Variants in ADAMTSL1 observed in about 807,000 individuals in gnomAD.
The protein encoded by ADAMTSL1 is ADAMTS like 1, also known as ADAMTS-like protein 1.
In ADAMTSL1, 126 loss-of-function variants were observed where a neutral mutation model predicts 201.8. The observed-to-expected ratio is 0.62, with a 90% confidence interval of 0.54 to 0.72. The LOEUF (loss-of-function observed/expected upper bound fraction) is 0.72, where lower values mean the gene tolerates loss of function less well. ADAMTSL1 is among the 30% of genes least tolerant of loss of function. The pLI is 0.00. For missense variants in ADAMTSL1, 2,679 were observed against 2,277.8 expected (o/e 1.18, Z -3.59); for synonymous variants, 1,121 against 903.4 (o/e 1.24, Z -4.32).
chr9:18,203,925 A>T (rs936748995), intron 2 of ADAMTSL1, among the ~76,000 whole-genome samples: 6 of 152,156 alleles, frequency 3.9e-5, no homozygotes, highest in African/African-American at 1.4e-4. Flanking sequence ...TGTGTTCTCC[A>T]TGATTGTCAC....
intron 15 of ADAMTSL1, 109 bp from the exon 16 acceptor site, chr9:18,753,189 G>A: frequency 9.4e-7 from 1 of 1,058,398 alleles, no homozygotes; most frequent in South Asian, 1.4e-5. Flanking sequence ...TCTTGGGCTG[G>A]CACTTCCCAC....
intron 1 of ADAMTSL1, among the ~76,000 whole-genome samples, chr9:17,966,474 A>G (rs977304119): frequency 1.3e-5 from 2 of 152,162 alleles, no homozygotes; most frequent in African/African-American, 4.8e-5. Context: ...CCCTTCTGCA[A>G]TAAGTACCAC....
intron 1 of ADAMTSL1, among the ~76,000 whole-genome samples, chr9:17,924,147 G>C (rs1437674403): frequency 6.6e-6 from 1 of 150,724 alleles, no homozygotes; most frequent in Non-Finnish European, 1.5e-5. Flanking sequence ...CATAAAATGA[G>C]TTTGGGAGGA....
chr9:18,288,694 G>A (rs1274115115), intron 2 of ADAMTSL1, among the ~76,000 whole-genome samples: 1 of 152,162 alleles, frequency 6.6e-6, no homozygotes, highest in Non-Finnish European at 1.5e-5. Context: ...AGTAAAAGAG[G>A]CAGCAGAGGC....
intron 2 of ADAMTSL1, among the ~76,000 whole-genome samples, chr9:18,192,544 A>G (rs1019553614): frequency 6.6e-6 from 1 of 152,148 alleles, no homozygotes; most frequent in African/African-American, 2.4e-5. Context: ...ATGGCTTTGG[A>G]AAAAATTAAT....
chr9:18,350,907 C>T (rs1835937293), intron 2 of ADAMTSL1, among the ~76,000 whole-genome samples: 1 of 152,024 alleles, frequency 6.6e-6, no homozygotes, highest in Admixed American at 6.6e-5. Flanking sequence ...GTGGCAAGAA[C>T]TTCATAGAAT....
At chr9:17,956,247 A>G (rs1007963548) in intron 1 of ADAMTSL1, among the ~76,000 whole-genome samples, 1 of 152,140 alleles carries the variant, frequency 6.6e-6, no homozygotes, top group African/African-American at 2.4e-5. Flanking sequence ...AGTGTTTTGC[A>G]GAGAGATGAT....
At chr9:18,302,124 C>CT (rs1466364308) in intron 2 of ADAMTSL1, among the ~76,000 whole-genome samples, 2 of 152,140 alleles carry the variant, frequency 1.3e-5, no homozygotes, top group African/African-American at 4.8e-5. Context: ...TGACTTCTCT[C>CT]TTTTTTGGGT....
chr9:18,216,014 A>G (rs954865357), intron 2 of ADAMTSL1, among the ~76,000 whole-genome samples: 2 of 152,180 alleles, frequency 1.3e-5, no homozygotes, highest in African/African-American at 4.8e-5. Context: ...AAAATCTGTG[A>G]TGAGTCCTCT....
At chr9:18,842,793 C>T (rs1193826019) in intron 23 of ADAMTSL1, among the ~76,000 whole-genome samples, 2 of 152,092 alleles carry the variant, frequency 1.3e-5, no homozygotes, top group Non-Finnish European at 1.5e-5. Flanking sequence ...TATGTAATGA[C>T]CTTCTTGGTC....
intron 4 of ADAMTSL1, among the ~76,000 whole-genome samples, chr9:18,579,758 T>C (rs116724075): frequency 0.014 from 2,115 of 152,308 alleles, 50 homozygotes; most frequent in African/African-American, 0.049. Flanking sequence ...TCCAGGGCAG[T>C]GAATTGCATC....
At chr9:17,927,130 C>T (rs1826571956) in intron 1 of ADAMTSL1, among the ~76,000 whole-genome samples, 1 of 152,156 alleles carries the variant, frequency 6.6e-6, no homozygotes, top group South Asian at 2.1e-4. Context: ...CTCTAGGTAC[C>T]TTACATAAGT....
intron 2 of ADAMTSL1, among the ~76,000 whole-genome samples, chr9:18,229,509 T>C (rs1830563428): frequency 1.3e-5 from 2 of 151,832 alleles, no homozygotes; most frequent in Non-Finnish European, 2.9e-5. Context: ...ATAAAAAAAC[T>C]CTTCTCTAAA....
At position 18,829,938 on chromosome 9, in the gene ADAMTSL1, A is replaced by C; in HGVS notation, c.4210A>C (p.Thr1404Pro). The change falls in exon 23 of 29, where the codon ACA (threonine) becomes CCA (proline). Residue 1404 changes from threonine to proline, a missense_variant. Coordinates refer to ENST00000380548, the MANE Select transcript of ADAMTSL1 (RefSeq NM_001040272.6). ...TTCAGTGCTGACGTCTCCTCTGGGA[A>C]CACAGCTGGTCCTGGATCCTGGGAA... ...LPSVLTSPLG[T>P]QLVLDPGNSA... The C allele has an allele frequency of 6.2e-7, 1 of 1,613,662 alleles. No individual in the cohort carries two copies. Among genetic ancestry groups the C allele is most frequent in the South Asian group, 1.1e-5 (1 of 90,976 alleles).
chr9:18,429,361 G>C (rs1374683252), intron 2 of ADAMTSL1, among the ~76,000 whole-genome samples: 2 of 152,160 alleles, frequency 1.3e-5, no homozygotes, highest in African/African-American at 4.8e-5. Flanking sequence ...GAAAAAAAGA[G>C]AGTAACTTTG....
At chr9:18,544,004 T>C (rs1483480417) in intron 3 of ADAMTSL1, among the ~76,000 whole-genome samples, 1 of 152,136 alleles carries the variant, frequency 6.6e-6, no homozygotes, top group Admixed American at 6.5e-5. Flanking sequence ...CTCGGGAGGG[T>C]TCTGGTATGA....
intron 1 of ADAMTSL1, among the ~76,000 whole-genome samples, chr9:18,115,051 C>T (rs989919553): frequency 6.6e-6 from 1 of 152,102 alleles, no homozygotes; most frequent in Non-Finnish European, 1.5e-5. Flanking sequence ...TACTTTCATT[C>T]TAACTTGCCA....
intron 2 of ADAMTSL1, among the ~76,000 whole-genome samples, chr9:18,455,747 C>T (rs1820576921): frequency 6.6e-6 from 1 of 151,816 alleles, no homozygotes; most frequent in Non-Finnish European, 1.5e-5. Context: ...AGTTGCCAAT[C>T]TCTTCCCACC....
chr9:18,819,818 G>A (rs1056873274), intron 21 of ADAMTSL1, among the ~76,000 whole-genome samples: 4 of 152,244 alleles, frequency 2.6e-5, no homozygotes, highest in Non-Finnish European at 5.9e-5. Context: ...ATTCAAAGTA[G>A]GTGGGAAAGA....
Sources: allele counts gnomAD v4.1 joint callset (sites outside exome capture counted in the v4.1 genomes callset), GRCh38; gene constraint gnomAD v4.1.1; transcripts MANE v1.5; gene names NCBI Gene and HGNC (gene_info 2026-07-23, HGNC 2026-07-21).